Variants in FRMD6 observed in about 807,000 individuals in gnomAD.
FRMD6 encodes FERM domain containing 6, also known as FERM domain-containing protein 6.
Under a neutral mutation model 73.2 loss-of-function variants are expected in FRMD6, and 37 were observed. That is an observed-to-expected ratio of 0.51 (90% CI 0.39 to 0.66). The LOEUF is 0.66. Ranked by LOEUF, FRMD6 falls within the 30% of genes least tolerant of loss-of-function variation. The pLI, the probability that FRMD6 is intolerant of heterozygous loss-of-function variation, is 0.00. For synonymous variants in FRMD6, 273 were observed against 282.2 expected (o/e 0.97, Z 0.33); for missense variants, 714 against 780.5 (o/e 0.91, Z 1.02).
chr14:51,523,661 C>T (rs1186075984), intron 1 of FRMD6, among the ~76,000 whole-genome samples: 1 of 152,098 alleles, frequency 6.6e-6, no homozygotes, highest in Non-Finnish European at 1.5e-5. Context: ...AATTCAGGGT[C>T]CTTCCCACAT....
the FRMD6 span, among the ~76,000 whole-genome samples, chr14:51,465,632 G>C: frequency 1.3e-5 from 2 of 152,174 alleles, no homozygotes; most frequent in Non-Finnish European, 2.9e-5. Context: ...CATGTATCAA[G>C]AGTTTGTTCC....
At chr14:51,652,573 C>A (rs1052826516) in intron 1 of FRMD6, among the ~76,000 whole-genome samples, 10 of 152,366 alleles carry the variant, frequency 6.6e-5, no homozygotes, top group African/African-American at 2.2e-4. Flanking sequence ...GGGAAGGGAC[C>A]CGAGCGCAGG....
At chr14:51,594,305 T>TA (rs1358678337) in intron 2 of FRMD6, among the ~76,000 whole-genome samples, 3 of 104,634 alleles carry the variant, frequency 2.9e-5, no homozygotes, top group East Asian at 2.3e-4. Flanking sequence ...TTGTATTTTA[T>TA]TTTTATTTAT....
At position 51,720,039 on chromosome 14, in the gene FRMD6, G is replaced by A; in HGVS notation, c.1025-16G>A. ...CCTTCTGTCTTGGTTAATGAACTGT[G>A]TTCCCCACCACGTAGAGAAGAAGCA... On this transcript the variant is annotated splice_polypyrimidine_tract_variant and intron_variant, in intron 10 of 13. Transcript: ENST00000344768. 1 of 1,595,200 alleles carries A rather than the reference G, an allele frequency of 6.3e-7. No homozygotes were observed. Among genetic ancestry groups the A allele is most frequent in the Non-Finnish European group, 8.6e-7 (1 of 1,168,498 alleles).
intron 2 of FRMD6, among the ~76,000 whole-genome samples, chr14:51,596,248 GGT>G (rs3060588): frequency 0.028 from 4,103 of 147,524 alleles, 167 homozygotes; most frequent in African/African-American, 0.092. Flanking sequence ...AGGAGAGCCT[GGT>G]GTGTGTGTGT....
At chr14:51,402,036 G>A in the FRMD6 span, among the ~76,000 whole-genome samples, 3 of 152,332 alleles carry the variant, frequency 2.0e-5, no homozygotes, top group African/African-American at 7.2e-5. Flanking sequence ...AAAGCTGGTA[G>A]GCCAGTAATA....
At chr14:51,425,387 G>T in the FRMD6 span, among the ~76,000 whole-genome samples, 1 of 152,222 alleles carries the variant, frequency 6.6e-6, no homozygotes, top group African/African-American at 2.4e-5. Flanking sequence ...CCTGTGTCTT[G>T]TGTGTCCATA....
intron 2 of FRMD6, among the ~76,000 whole-genome samples, chr14:51,632,786 G>A (rs558111135): frequency 1.3e-5 from 2 of 152,202 alleles, no homozygotes; most frequent in Admixed American, 1.3e-4. Flanking sequence ...TGAGACACTG[G>A]TTAATGGCAG....
At chr14:51,461,407 A>G in the FRMD6 span, among the ~76,000 whole-genome samples, 2 of 152,322 alleles carry the variant, frequency 1.3e-5, no homozygotes, top group East Asian at 3.9e-4. Flanking sequence ...TTGTGTCCAT[A>G]AAGTTTAGCT....
chr14:51,709,581 A>G (rs2089447270), intron 7 of FRMD6, among the ~76,000 whole-genome samples: 1 of 152,164 alleles, frequency 6.6e-6, no homozygotes, highest in African/African-American at 2.4e-5. Flanking sequence ...TTCTATGCCC[A>G]AGAGATGCAT....
intron 7 of FRMD6, among the ~76,000 whole-genome samples, 183 bp from the exon 8 acceptor site, chr14:51,711,348 C>T (rs1437975471): frequency 6.6e-6 from 1 of 152,028 alleles, no homozygotes; most frequent in Non-Finnish European, 1.5e-5. Context: ...TTAATATGTG[C>T]CCATGGTTTT....
chr14:51,681,845 A>T (rs1894819715), intron 1 of FRMD6, among the ~76,000 whole-genome samples: 1 of 152,240 alleles, frequency 6.6e-6, no homozygotes, highest in Admixed American at 6.5e-5. Flanking sequence ...TGCTATGATT[A>T]CACTGTTTAC....
chr14:51,630,436 G>A (rs1234473699), intron 2 of FRMD6, among the ~76,000 whole-genome samples: 1 of 152,074 alleles, frequency 6.6e-6, no homozygotes, highest in Non-Finnish European at 1.5e-5. Context: ...TATGCCAACT[G>A]AGAATTAAAA....
intron 1 of FRMD6, among the ~76,000 whole-genome samples, chr14:51,520,244 C>T (rs56226467): frequency 0.04 from 6,062 of 152,144 alleles, 191 homozygotes; most frequent in African/African-American, 0.089. Flanking sequence ...CATTAGTCAT[C>T]GAGGAAACAC....
At chr14:51,605,614 G>T (rs1223079311) in intron 2 of FRMD6, among the ~76,000 whole-genome samples, 1 of 152,060 alleles carries the variant, frequency 6.6e-6, no homozygotes, top group African/African-American at 2.4e-5. Context: ...ACCTTAAAAG[G>T]CACTTCAGGG....
At chr14:51,468,304 AGGGGGAGGGG>A in the FRMD6 span, among the ~76,000 whole-genome samples, 1 of 5,764 alleles carries the variant, frequency 1.7e-4, no homozygotes, top group African/African-American at 7.8e-4. Flanking sequence ...GAGATGGGAG[AGGGGGAGGGG>A]GAGGGAGAGG....
intron 1 of FRMD6, among the ~76,000 whole-genome samples, chr14:51,677,544 G>A (rs1487667697): frequency 1.3e-5 from 2 of 152,088 alleles, no homozygotes; most frequent in African/African-American, 4.8e-5. Flanking sequence ...TGGTTGAAAG[G>A]AATTTTTGTG....
intron 1 of FRMD6, among the ~76,000 whole-genome samples, chr14:51,539,812 T>G (rs1034378943): frequency 6.6e-6 from 1 of 152,146 alleles, no homozygotes; most frequent in African/African-American, 2.4e-5. Flanking sequence ...TTCTTACCTT[T>G]CCTGAGGTAC....
intron 3 of FRMD6, 117 bp from the exon 4 acceptor site, chr14:51,700,939 G>A (rs2140441434): frequency 4.2e-6 from 2 of 476,922 alleles, no homozygotes; most frequent in East Asian, 6.7e-5. Flanking sequence ...TCTAGTATGT[G>A]CATTCAGACT....
Sources: allele counts gnomAD v4.1 joint callset (sites outside exome capture counted in the v4.1 genomes callset), GRCh38; gene constraint gnomAD v4.1.1; transcripts MANE v1.5; gene names NCBI Gene and HGNC (gene_info 2026-07-23, HGNC 2026-07-21).